The following KAZN variants were observed in gnomAD, a reference collection of about 807,000 sequenced individuals.
KAZN encodes the protein kazrin.
A neutral mutation model predicts 87.4 loss-of-function variants in KAZN; 40 were observed. The ratio of observed to expected loss-of-function variants is 0.46; its 90% CI spans 0.36 to 0.60. KAZN has a LOEUF of 0.60. Ranked by LOEUF, KAZN falls within the 20% of genes least tolerant of loss-of-function variation. The pLI is 0.00. For synonymous variants in KAZN, 466 were observed against 458.3 expected (o/e 1.02, Z -0.22); for missense variants, 898 against 1,073.9 (o/e 0.84, Z 2.29).
intron 2 of KAZN, among the ~76,000 whole-genome samples, chr1:14,359,747 A>C (rs998679690): frequency 6.6e-6 from 1 of 152,164 alleles, no homozygotes; most frequent in South Asian, 2.1e-4. Context: ...TTTCTTTAAG[A>C]ATGTTGAATA....
At chr1:15,008,291 G>C (rs1046122190) in intron 2 of KAZN, among the ~76,000 whole-genome samples, 3 of 152,164 alleles carry the variant, frequency 2.0e-5, no homozygotes, top group African/African-American at 7.2e-5. Context: ...CCAAGTGGAT[G>C]AGTGGCCAGA....
At chr1:14,714,882 C>T (rs1172020997) in intron 1 of KAZN, among the ~76,000 whole-genome samples, 3 of 145,756 alleles carry the variant, frequency 2.1e-5, no homozygotes, top group Non-Finnish European at 4.5e-5. Context: ...GCAGCCTTGA[C>T]TTCCCAGACT....
intron 2 of KAZN, among the ~76,000 whole-genome samples, chr1:14,366,865 T>C (rs2149510): frequency 0.21 from 31,710 of 152,088 alleles, 3,756 homozygotes; most frequent in Middle Eastern, 0.32. Context: ...CCCAAGCTCT[T>C]GTTCAGCATC....
chr1:14,680,435 G>A (rs1640501904), intron 1 of KAZN, among the ~76,000 whole-genome samples: 1 of 152,114 alleles, frequency 6.6e-6, no homozygotes, highest in Admixed American at 6.6e-5. Flanking sequence ...ATGTTGGGCT[G>A]CTTTCACTCA....
At chr1:14,642,642 T>C (rs1481424117) in intron 1 of KAZN, among the ~76,000 whole-genome samples, 4 of 152,168 alleles carry the variant, frequency 2.6e-5, no homozygotes, top group Non-Finnish European at 5.9e-5. Flanking sequence ...AGGATAACTA[T>C]AGTTTACAAT....
At chr1:14,243,081 C>T (rs1649125067) in intron 2 of KAZN, among the ~76,000 whole-genome samples, 1 of 152,212 alleles carries the variant, frequency 6.6e-6, no homozygotes, top group Non-Finnish European at 1.5e-5. Flanking sequence ...CCATGGGCCA[C>T]CCACCACATC....
intron 1 of KAZN, among the ~76,000 whole-genome samples, chr1:14,843,740 T>A (rs757809323): frequency 1.3e-5 from 2 of 152,240 alleles, no homozygotes; most frequent in African/African-American, 4.8e-5. Context: ...CAGCTGTTTA[T>A]TCTCCACATT....
chr1:14,582,646 C>T (rs1180395174), intron 2 of KAZN, among the ~76,000 whole-genome samples: 1 of 152,106 alleles, frequency 6.6e-6, no homozygotes, highest in African/African-American at 2.4e-5. Context: ...AGCAATTCTG[C>T]TCAGCAGGAA....
chr1:14,652,626 CATCCA>C, intron 1 of KAZN, among the ~76,000 whole-genome samples: 1 of 137,968 alleles, frequency 7.2e-6, no homozygotes, highest in Non-Finnish European at 1.6e-5. Context: ...CTCATCCACC[CATCCA>C]CCCACCCATC....
chr1:14,073,898 C>T (rs1643343526), intron 1 of KAZN, among the ~76,000 whole-genome samples: 1 of 152,080 alleles, frequency 6.6e-6, no homozygotes, highest in Non-Finnish European at 1.5e-5. Context: ...GATTTAAAAT[C>T]CTTTGGGTAT....
At chr1:14,463,212 G>A (rs573256827) in intron 2 of KAZN, among the ~76,000 whole-genome samples, 3 of 152,314 alleles carry the variant, frequency 2.0e-5, no homozygotes, top group African/African-American at 7.2e-5. Flanking sequence ...CAGGGTTGTT[G>A]CCATGGCATT....
At chr1:13,899,388 C>G (rs1170398040) in intron 1 of KAZN, among the ~76,000 whole-genome samples, 1 of 152,204 alleles carries the variant, frequency 6.6e-6, no homozygotes, top group Non-Finnish European at 1.5e-5. Context: ...GATTCAAATT[C>G]AAGCCATCTG....
At chr1:14,748,833 C>A (rs1348820824) in intron 1 of KAZN, among the ~76,000 whole-genome samples, 1 of 152,122 alleles carries the variant, frequency 6.6e-6, no homozygotes, top group African/African-American at 2.4e-5. Flanking sequence ...CTGATGCCAA[C>A]TTCCAGTGCC....
intron 2 of KAZN, among the ~76,000 whole-genome samples, chr1:14,983,439 A>G (rs1381817662): frequency 1.3e-5 from 2 of 152,192 alleles, no homozygotes; most frequent in Non-Finnish European, 2.9e-5. Context: ...AAAGTACACC[A>G]GCTGGCTCAG....
At chr1:14,073,899 C>T (rs1363252496) in intron 1 of KAZN, among the ~76,000 whole-genome samples, 1 of 152,046 alleles carries the variant, frequency 6.6e-6, no homozygotes, top group African/African-American at 2.4e-5. Context: ...ATTTAAAATC[C>T]TTTGGGTATA....
intron 2 of KAZN, among the ~76,000 whole-genome samples, chr1:14,968,803 T>G (rs538638182): frequency 6.6e-6 from 1 of 152,314 alleles, no homozygotes; most frequent in Non-Finnish European, 1.5e-5. Context: ...ATTTGCTCAT[T>G]CACCAAATGT....
chr1:15,072,190 C>A (rs1419985658), intron 8 of KAZN, among the ~76,000 whole-genome samples: 2 of 152,168 alleles, frequency 1.3e-5, no homozygotes, highest in Non-Finnish European at 2.9e-5. Flanking sequence ...GAAATGAGAA[C>A]TGAATGTGTT....
rs950136316 is a variant in KAZN at position 15,081,826 on chromosome 1, C to G, written c.1223-12354C>G. Among the ~76,000 whole-genome samples, 2 of 152,128 alleles carry G rather than the reference C, an allele frequency of 1.3e-5. No individual in the cohort carries two copies. The highest frequency in any genetic ancestry group is 2.9e-5 in the Non-Finnish European group (2 of 68,024). On this transcript the variant is annotated intron_variant, in intron 8 of 14. Coordinates refer to ENST00000376030, the MANE Select transcript of KAZN (RefSeq NM_201628.3). The surrounding 1 kb of genome is among the most constrained non-coding windows in gnomAD (Gnocchi z 4.1). ...CAGGGGTGAGAAGCTAAGGATGAAGCTGGCAAGGTCGGCCTGTGGGTCACA... is the reference window on the plus strand; with the variant it reads ...CAGGGGTGAGAAGCTAAGGATGAAGGTGGCAAGGTCGGCCTGTGGGTCACA...
At chr1:14,372,019 G>C (rs1235533342) in intron 2 of KAZN, among the ~76,000 whole-genome samples, 1 of 151,356 alleles carries the variant, frequency 6.6e-6, no homozygotes, top group Non-Finnish European at 1.5e-5. Flanking sequence ...CATGTGAATA[G>C]TCGTCATCTC....
Sources: gnomAD v4.1 joint callset for allele counts (sites outside exome capture counted in the v4.1 genomes callset) on GRCh38, gnomAD v4.1.1 for gene constraint, Gnocchi (gnomAD v3.1) non-coding constraint, MANE v1.5 for transcripts, NCBI Gene and HGNC (gene_info 2026-07-23, HGNC 2026-07-21) for gene names.